SMG5: variants seen among roughly 807,000 people sequenced by gnomAD.
SMG5 encodes SMG5 nonsense mediated mRNA decay factor, also known as nonsense-mediated mRNA decay factor SMG5.
SMG5 carries 53 observed loss-of-function variants against 122.9 expected under a neutral mutation model. That is an observed-to-expected ratio of 0.43 (90% CI 0.35 to 0.54). The LOEUF is 0.54. Among genes scored for constraint, SMG5 ranks in the 20% least tolerant of loss-of-function variants. The pLI is 0.01. For missense variants in SMG5, 1,153 were observed against 1,285.6 expected (o/e 0.90, Z 1.58); for synonymous variants, 477 against 490.2 (o/e 0.97, Z 0.35).
chr1:156,272,093 A>G (rs1038270071), intron 7 of SMG5, among the ~76,000 whole-genome samples: 7 of 152,230 alleles, frequency 4.6e-5, no homozygotes, highest in Non-Finnish European at 7.3e-5. Flanking sequence ...TGTATTTTGC[A>G]TAAGACAGTA....
At chr1:156,285,783 G>T, upstream of SMG5, 1 of 1,613,608 alleles carries the variant, frequency 6.2e-7, no homozygotes, top group Non-Finnish European at 8.5e-7. Context: ...GGCTGTTCCT[G>T]TGGGGGCTGC....
chr1:156,285,793 C>T (rs200608802), upstream of SMG5: 37 of 1,613,432 alleles, frequency 2.3e-5, 1 homozygote, highest in Middle Eastern at 1.7e-4. Context: ...GTGGGGGCTG[C>T]GGGAGCTGTG....
At chr1:156,270,610 C>G (rs1237095021) in intron 7 of SMG5, among the ~76,000 whole-genome samples, 1 of 152,200 alleles carries the variant, frequency 6.6e-6, no homozygotes, top group Non-Finnish European at 1.5e-5. Context: ...TTGGATATAC[C>G]TGGCTCTCTT....
the SMG5 span, chr1:156,291,493 G>A: frequency 5.6e-6 from 9 of 1,613,092 alleles, no homozygotes; most frequent in East Asian, 2.2e-5. Flanking sequence ...TCTACTACAT[G>A]TTCGTGGTGG....
At position 156,264,267 on chromosome 1, in the gene SMG5, C is replaced by CAAAAAAAAAAAAAA. The variant is rs1205363773; in HGVS notation, c.1856-711_1856-698dup. ...TGGGCAACAGAGCGAGACTCCGTCT[C>CAAAAAAAAAAAAAA]AAAAAAAAAAAAAAAAAAAAAAAAA... On this transcript the variant is annotated intron_variant, in intron 12 of 21. Transcript: ENST00000361813. 4.1e-4 allele frequency among the ~76,000 whole-genome samples: 22 copies of CAAAAAAAAAAAAAA among 53,980 alleles called. 2 individuals are homozygous for CAAAAAAAAAAAAAA. Among genetic ancestry groups the CAAAAAAAAAAAAAA allele is most frequent in the African/African-American group, 1.7e-3 (21 of 12,294 alleles). 35.4% of individuals were successfully genotyped at this position (53,980 alleles called of 152,430 possible).
At chr1:156,276,992 TG>T in intron 4 of SMG5, 92 bp downstream of exon 4, 1 of 1,311,248 alleles carries the variant, frequency 7.6e-7, no homozygotes, top group Non-Finnish European at 1.1e-6. Flanking sequence ...TCTCTCTGCC[TG>T]GCTGGGTCGC....
Position 156,266,140 on chromosome 1 carries a change from T to C in SMG5, c.1496A>G (p.Lys499Arg). ...ASEGSDSGSD[K>R]SLEGGGTAFD... The stretch of plus-strand genomic sequence containing the variant: ...GGCCGTTCCCCCACCTTCAAGACTC[T>C]TGTCAGAGCCACTGTCTGAGCCCTC... The change falls in exon 12 of 22, where the codon AAG (lysine) becomes AGG (arginine). Residue 499 changes from lysine to arginine, a missense_variant. By Grantham distance (26) the Lys-to-Arg change is conservative (BLOSUM62 2). Coordinates refer to ENST00000361813, the MANE Select transcript of SMG5 (RefSeq NM_015327.3). 6.2e-7 allele frequency: 1 copy of C among 1,614,222 alleles called. No homozygotes were observed. Among genetic ancestry groups the C allele is most frequent in the Non-Finnish European group, 8.5e-7 (1 of 1,180,036 alleles).
chr1:156,270,916 A>G (rs1006149517), intron 7 of SMG5, among the ~76,000 whole-genome samples: 3 of 152,108 alleles, frequency 2.0e-5, no homozygotes, highest in African/African-American at 7.2e-5. Context: ...CTGGGGCAGA[A>G]GAATCACTTG....
intron 6 of SMG5, 50 bp downstream of exon 6, chr1:156,273,310 TC>T (rs746329972): frequency 6.7e-7 from 1 of 1,487,072 alleles, no homozygotes; most frequent in East Asian, 2.3e-5. Context: ...AACATCGTCT[TC>T]CCTAGGAAAA....
At chr1:156,267,719 G>A (rs1662219306) in intron 9 of SMG5, 41 bp from the exon 10 acceptor site, 4 of 1,524,190 alleles carry the variant, frequency 2.6e-6, no homozygotes, top group Non-Finnish European at 3.6e-6. Flanking sequence ...CAGTGGTGGG[G>A]GCTGGGGAAG....
At chr1:156,285,192 G>T, upstream of SMG5, 1 of 1,514,686 alleles carries the variant, frequency 6.6e-7, no homozygotes, top group East Asian at 2.3e-5. Flanking sequence ...AGGATGACAT[G>T]ACCTTGTGGT....
chr1:156,289,160 C>A, the SMG5 span, among the ~76,000 whole-genome samples: 580 of 152,306 alleles, frequency 3.8e-3, 2 homozygotes, highest in Non-Finnish European at 6.1e-3. Context: ...TGAGTTAATT[C>A]ATGTAGAGTA....
At chr1:156,257,247 A>G (rs1661620481) in intron 16 of SMG5, among the ~76,000 whole-genome samples, 1 of 152,140 alleles carries the variant, frequency 6.6e-6, no homozygotes, top group Non-Finnish European at 1.5e-5. Flanking sequence ...TATCTATAAA[A>G]TGGAGGATGC....
Position 156,266,534 on chromosome 1 carries a change from C to G in SMG5, c.1255+7G>C, listed in dbSNP as rs549550239. ...TTCCATAGTGATGACCTCCCCGATTCTCCCACCTGTGCCATCACTCTGGAA... is the reference window on the plus strand; with the variant it reads ...TTCCATAGTGATGACCTCCCCGATTGTCCCACCTGTGCCATCACTCTGGAA... On this transcript the variant is annotated splice_region_variant and intron_variant, in intron 11 of 21. Coordinates refer to ENST00000361813, the MANE Select transcript of SMG5 (RefSeq NM_015327.3). 4.1e-5 allele frequency: 66 copies of G among 1,614,158 alleles called. No individual in the cohort carries two copies. The highest frequency in any genetic ancestry group is 1.3e-4 in the Admixed American group (8 of 60,028).
intron 16 of SMG5, among the ~76,000 whole-genome samples, chr1:156,254,981 T>C (rs1661516375): frequency 6.6e-6 from 1 of 151,400 alleles, no homozygotes; most frequent in Non-Finnish European, 1.5e-5. Context: ...TCCCAGCTAC[T>C]TGGGAGGCTG....
chr1:156,265,834 G>C lies in SMG5; in HGVS notation c.1802C>G (p.Ser601Trp), dbSNP rs528845513. 6.2e-7 allele frequency: 1 copy of C among 1,614,094 alleles called. No individual in the cohort carries two copies. Among genetic ancestry groups the C allele is most frequent in the African/African-American group, 1.3e-5 (1 of 74,938 alleles). The change falls in exon 12 of 22, where the codon TCG becomes TGG. Residue 601 changes from serine to tryptophan, a missense_variant. Ser to Trp is a radical substitution (Grantham distance 177). Around this residue, in one of 5 missense-constraint regions of SMG5, gnomAD observed 631 missense variants for 650.6 expected, o/e 0.97. Transcript: ENST00000361813. ...ATTGACGCAAGGCCTGTGGCTGGCC[G>C]AGGTATGAGGGTTGGTGGTGGGCTG... ...LLQPTTNPHTSASHRPCVNGD... is the reference protein window; with the variant it reads ...LLQPTTNPHTWASHRPCVNGD...
At chr1:156,266,713 G>A in intron 10 of SMG5, 35 bp from the exon 11 acceptor site, 3 of 1,612,594 alleles carry the variant, frequency 1.9e-6, no homozygotes, top group Non-Finnish European at 2.5e-6. Flanking sequence ...AGGGGCCTAG[G>A]GCCCTGATGA....
At position 156,266,623 on chromosome 1, in the gene SMG5, G is replaced by C; in HGVS notation, c.1173C>G (p.Leu391=). Residue 391 remains leucine, a synonymous_variant, in exon 11 of 22, where the codon CTC becomes CTG. Transcript: ENST00000361813. ...IAFTLALFSH[L]VNHVNIRLQA... is the part of the protein sequence containing the mutation. Reference sequence around the variant, plus strand: ...GCAGCCGTATGTTGACATGATTGACGAGGTGGGAAAAGAGGGCCAGGGTGA... The same window carrying C: ...GCAGCCGTATGTTGACATGATTGACCAGGTGGGAAAAGAGGGCCAGGGTGA... 5.0e-6 allele frequency: 8 copies of C among 1,614,058 alleles called. No individual in the cohort carries two copies. Among genetic ancestry groups the C allele is most frequent in the Non-Finnish European group, 6.8e-6 (8 of 1,180,030 alleles).
chr1:156,262,043 C>A (rs963835710), intron 13 of SMG5, among the ~76,000 whole-genome samples: 2 of 152,016 alleles, frequency 1.3e-5, no homozygotes, highest in Admixed American at 1.3e-4. Flanking sequence ...GCCTGGGCAA[C>A]AGTGAGACCT....
Sources: allele counts gnomAD v4.1 joint callset (sites outside exome capture counted in the v4.1 genomes callset), GRCh38; gene constraint gnomAD v4.1.1; regional missense constraint gnomAD v4.1.1; transcripts MANE v1.5; gene names NCBI Gene and HGNC (gene_info 2026-07-23, HGNC 2026-07-21).